PRUNE2: variants seen among roughly 807,000 people sequenced by gnomAD.
The protein encoded by PRUNE2 is prune homolog 2 with BCH domain, also known as protein prune homolog 2.
In PRUNE2, 164 loss-of-function variants were observed where a neutral mutation model predicts 252.0. The ratio of observed to expected loss-of-function variants is 0.65; its 90% CI spans 0.57 to 0.74. PRUNE2 has a LOEUF of 0.74. Ranked by LOEUF, PRUNE2 falls within the 30% of genes least tolerant of loss-of-function variation. The probability of loss-of-function intolerance (pLI) is 0.00; values close to 1 mark genes in which losing one functional copy is unlikely to be tolerated. For missense variants in PRUNE2, 3,495 were observed against 3,711.0 expected (o/e 0.94, Z 1.51); for synonymous variants, 1,292 against 1,350.2 (o/e 0.96, Z 0.94).
At chr9:76,837,172 A>G (rs1326669897) in intron 4 of PRUNE2, among the ~76,000 whole-genome samples, 2 of 152,152 alleles carry the variant, frequency 1.3e-5, no homozygotes, top group South Asian at 2.1e-4. Flanking sequence ...GGCCGGGCAC[A>G]GTGGCTCTCT....
chr9:76,713,457 G>T, intron 7 of PRUNE2, 106 bp downstream of exon 7: 2 of 813,002 alleles, frequency 2.5e-6, no homozygotes, highest in Non-Finnish European at 3.5e-6. Flanking sequence ...CTACCTCTTG[G>T]GCTAATTGCT....
intron 6 of PRUNE2, among the ~76,000 whole-genome samples, chr9:76,778,045 C>T (rs1398883019): frequency 1.3e-5 from 2 of 152,248 alleles, no homozygotes; most frequent in Non-Finnish European, 2.9e-5. Flanking sequence ...ATTTTCCATC[C>T]AGAGGTTCCC....
intron 15 of PRUNE2, among the ~76,000 whole-genome samples, chr9:76,636,129 T>C (rs1454596440): frequency 1.3e-5 from 2 of 152,224 alleles, no homozygotes; most frequent in African/African-American, 2.4e-5. Context: ...CATATTACTC[T>C]ACCTTTCTAT....
At chr9:76,712,262 A>G (rs375092361) in intron 7 of PRUNE2, among the ~76,000 whole-genome samples, 52 of 152,208 alleles carry the variant, frequency 3.4e-4, no homozygotes, top group Non-Finnish European at 4.9e-4. Flanking sequence ...TTTTATTCCT[A>G]TTTTACCCAT....
intron 6 of PRUNE2, among the ~76,000 whole-genome samples, chr9:76,731,676 C>T (rs979475033): frequency 6.6e-5 from 10 of 151,946 alleles, no homozygotes; most frequent in African/African-American, 7.3e-5. Context: ...CTTTCTAGTA[C>T]GTACCAAAAA....
chr9:76,862,250 C>G (rs1039033225), intron 1 of PRUNE2: 1 of 152,262 alleles, frequency 6.6e-6, no homozygotes, highest in African/African-American at 2.4e-5. Context: ...GAAACCCCAT[C>G]TCTACTAAAA....
chr9:76,873,621 T>C (rs921192365), intron 1 of PRUNE2, among the ~76,000 whole-genome samples: 3 of 152,114 alleles, frequency 2.0e-5, no homozygotes, highest in African/African-American at 7.2e-5. Context: ...TCAAGCATAA[T>C]TGAAGGCAGC....
intron 6 of PRUNE2, among the ~76,000 whole-genome samples, chr9:76,745,904 A>G (rs1348874083): frequency 1.3e-5 from 2 of 152,142 alleles, no homozygotes; most frequent in Non-Finnish European, 2.9e-5. Context: ...TGCACTAACC[A>G]TAGTATTTCA....
chr9:76,677,322 A>G (rs955487115), intron 9 of PRUNE2, among the ~76,000 whole-genome samples: 8 of 152,184 alleles, frequency 5.3e-5, no homozygotes, highest in Admixed American at 5.2e-4. Flanking sequence ...CTTGTCCTTA[A>G]AGAAAAAAGA....
intron 6 of PRUNE2, among the ~76,000 whole-genome samples, chr9:76,819,818 A>G (rs1008328065): frequency 2.0e-5 from 3 of 152,214 alleles, no homozygotes; most frequent in African/African-American, 7.2e-5. Flanking sequence ...GTGGCACTTC[A>G]TTAGAATGAA....
chr9:76,872,754 T>C (rs1385003171), intron 1 of PRUNE2, among the ~76,000 whole-genome samples: 8 of 152,044 alleles, frequency 5.3e-5, no homozygotes. Context: ...AACAAAAGTG[T>C]GTATGTGTGT....
intron 6 of PRUNE2, among the ~76,000 whole-genome samples, chr9:76,820,000 A>G (rs752450396): frequency 1.3e-5 from 2 of 152,236 alleles, no homozygotes; most frequent in Non-Finnish European, 2.9e-5. Context: ...CAAAAAGGCC[A>G]CAAAGGATCA....
At chr9:76,892,495 A>G (rs1375957030) in intron 1 of PRUNE2, among the ~76,000 whole-genome samples, 1 of 152,256 alleles carries the variant, frequency 6.6e-6, no homozygotes, top group Non-Finnish European at 1.5e-5. Flanking sequence ...TGTTTGTCGT[A>G]GTAATTAACA....
intron 6 of PRUNE2, among the ~76,000 whole-genome samples, chr9:76,754,812 A>G (rs916715031): frequency 2.6e-5 from 4 of 151,984 alleles, no homozygotes; most frequent in African/African-American, 7.2e-5. Flanking sequence ...TAAAAAATAC[A>G]AAAATTAGCT....
chr9:76,648,963 G>A (rs1356801208), intron 11 of PRUNE2, among the ~76,000 whole-genome samples: 1 of 152,146 alleles, frequency 6.6e-6, no homozygotes. Context: ...TGTAAACTAT[G>A]GACCTTGGGT....
At chr9:76,771,533 G>A (rs1215253549) in intron 6 of PRUNE2, among the ~76,000 whole-genome samples, 5 of 152,160 alleles carry the variant, frequency 3.3e-5, no homozygotes, top group Admixed American at 6.5e-5. Flanking sequence ...ACGGTGAGTC[G>A]GGGGTCAGGG....
chr9:76,613,446 T>C lies in PRUNE2; in HGVS notation c.*1124A>G, dbSNP rs999514217. 15 of 152,214 alleles carry C rather than the reference T, an allele frequency of 9.9e-5. No individual in the cohort carries two copies. Among genetic ancestry groups the C allele is most frequent in the Non-Finnish European group, 2.1e-4 (14 of 68,036 alleles). The allele number at this position is 152,214 out of a possible 1,614,324, so 9.4% of individuals were successfully genotyped here. A position where few individuals can be genotyped will look rare whatever the true frequency, so the allele number is the denominator to read the frequency against. On this transcript the variant is annotated 3_prime_UTR_variant, in exon 19 of 19. Transcript: ENST00000376718. Reference sequence around the variant, plus strand: ...ACCACTTTATTTATCGGCACTAACATTTGAATAATTTTCATGTGTCATGAA... The same window carrying C: ...ACCACTTTATTTATCGGCACTAACACTTGAATAATTTTCATGTGTCATGAA...
chr9:76,738,357 T>C (rs2049267875), intron 6 of PRUNE2: 1 of 152,134 alleles, frequency 6.6e-6, no homozygotes, highest in South Asian at 2.1e-4. Context: ...CCTTTGCCTA[T>C]TAGATTTCAT....
intron 6 of PRUNE2, among the ~76,000 whole-genome samples, chr9:76,774,379 C>T (rs2053456815): frequency 6.6e-6 from 1 of 151,768 alleles, no homozygotes. Flanking sequence ...CTCAAGCAAT[C>T]CACCTGCTTT....
Sources: gnomAD v4.1 joint callset for allele counts (sites outside exome capture counted in the v4.1 genomes callset) on GRCh38, gnomAD v4.1.1 for gene constraint, MANE v1.5 for transcripts, NCBI Gene and HGNC (gene_info 2026-07-23, HGNC 2026-07-21) for gene names.